The following CDH13 variants were observed in gnomAD, a reference collection of about 807,000 sequenced individuals.
CDH13 encodes cadherin-13.
CDH13 carries 24 observed loss-of-function variants against 63.8 expected under a neutral mutation model. The ratio of observed to expected loss-of-function variants is 0.38; its 90% CI spans 0.27 to 0.53. CDH13 has a LOEUF of 0.53. CDH13 is among the 20% of genes least tolerant of loss of function. CDH13 has a pLI of 0.85. For synonymous variants in CDH13, 503 were observed against 355.3 expected, an observed-to-expected ratio of 1.42 and a Z score of -4.67; for missense variants, 1,049 against 903.1, an observed-to-expected ratio of 1.16 and a Z score of -2.07.
chr16:83,571,903 C>A lies in CDH13; in HGVS notation c.961-30551C>A, dbSNP rs554462427. 3.3e-4 allele frequency among the ~76,000 whole-genome samples: 50 copies of A among 152,200 alleles called. No individual in the cohort carries two copies. The South Asian group carries it at 6.4e-3, about 20-fold the overall frequency. On this transcript the variant is annotated intron_variant, in intron 7 of 13. Coordinates refer to ENST00000567109, the MANE Select transcript of CDH13 (RefSeq NM_001257.5). ...CACTCCGGCCACAGAACTTAGCAGT[C>A]GCTCTGCATGGGGACAGATCCTGGC...
At chr16:83,229,340 T>G (rs1330798051) in intron 5 of CDH13, among the ~76,000 whole-genome samples, 3 of 152,194 alleles carry the variant, frequency 2.0e-5, no homozygotes, top group East Asian at 1.9e-4. Flanking sequence ...CCTTCAAGTT[T>G]CCCTCTACAC....
chr16:82,653,013 G>A (rs1910906874), intron 1 of CDH13, among the ~76,000 whole-genome samples: 2 of 152,226 alleles, frequency 1.3e-5, no homozygotes, highest in South Asian at 4.1e-4. Flanking sequence ...CCAAAAGGTA[G>A]TCCGTGACCC....
At chr16:82,909,623 C>G (rs2041764717) in intron 2 of CDH13, among the ~76,000 whole-genome samples, 2 of 152,058 alleles carry the variant, frequency 1.3e-5, no homozygotes, top group African/African-American at 2.4e-5. Context: ...TGGTGGCAGG[C>G]AAGAGAGCTC....
At chr16:83,299,309 A>C (rs904310684) in intron 5 of CDH13, among the ~76,000 whole-genome samples, 34 of 147,822 alleles carry the variant, frequency 2.3e-4, no homozygotes, top group Middle Eastern at 3.4e-3. Context: ...AAAAAAAAAG[A>C]TGAATTCCCC....
chr16:82,697,770 TG>T (rs2030512779), intron 1 of CDH13, among the ~76,000 whole-genome samples: 3 of 88,726 alleles, frequency 3.4e-5, no homozygotes, highest in African/African-American at 3.9e-5. Flanking sequence ...TGTGTGTGTG[TG>T]TGTGTGTGTG....
chr16:83,080,728 G>A (rs2033168669), intron 3 of CDH13, among the ~76,000 whole-genome samples: 1 of 151,978 alleles, frequency 6.6e-6, no homozygotes, highest in Non-Finnish European at 1.5e-5. Flanking sequence ...CATAGAGGCG[G>A]CAATGGGGGG....
chr16:82,811,557 C>T (rs796993654), intron 1 of CDH13, among the ~76,000 whole-genome samples: 6 of 152,016 alleles, frequency 3.9e-5, no homozygotes, highest in African/African-American at 7.2e-5. Context: ...GCTTAATTTT[C>T]GTTAGAGGGT....
intron 2 of CDH13, among the ~76,000 whole-genome samples, chr16:83,005,671 G>T (rs1455665698): frequency 6.6e-6 from 1 of 152,190 alleles, no homozygotes; most frequent in Non-Finnish European, 1.5e-5. Context: ...TCTCATCACA[G>T]CTCATGCATG....
intron 2 of CDH13, among the ~76,000 whole-genome samples, chr16:82,889,304 C>CTG (rs1263274714): frequency 6.6e-6 from 1 of 151,022 alleles, no homozygotes; most frequent in Non-Finnish European, 1.5e-5. Context: ...TCTATTATCT[C>CTG]TCTCTCTCTC....
At chr16:83,249,415 C>A (rs995494474) in intron 5 of CDH13, among the ~76,000 whole-genome samples, 1 of 152,226 alleles carries the variant, frequency 6.6e-6, no homozygotes, top group Non-Finnish European at 1.5e-5. Flanking sequence ...GGTTAAGTTA[C>A]AGCAGATAAC....
At position 82,886,296 on chromosome 16, in the gene CDH13, G is replaced by A. The variant is rs145994822; in HGVS notation, c.157+27823G>A. On this transcript the variant is annotated intron_variant, in intron 2 of 13. Transcript: ENST00000567109. The stretch of plus-strand genomic sequence containing the variant: ...GAAGTGAAATTGGTGGTTACAGAGT[G>A]TACACATTGCAAAGCTGAATCATAT... Among the ~76,000 whole-genome samples, 478 of 152,282 alleles carry A rather than the reference G, an allele frequency of 3.1e-3. 3 individuals are homozygous for A. The highest frequency in any genetic ancestry group is 0.01 in the African/African-American group (428 of 41,556).
At chr16:83,204,889 C>A (rs115061811) in intron 4 of CDH13, among the ~76,000 whole-genome samples, 2 of 152,178 alleles carry the variant, frequency 1.3e-5, no homozygotes, top group Non-Finnish European at 2.9e-5. Flanking sequence ...TGTATCTAGG[C>A]ACACTAGAGT....
chr16:83,220,103 C>A (rs2039651881), intron 5 of CDH13, among the ~76,000 whole-genome samples: 1 of 152,202 alleles, frequency 6.6e-6, no homozygotes, highest in Non-Finnish European at 1.5e-5. Context: ...TCAATGGGCT[C>A]ATGAGGGCCT....
chr16:83,231,420 G>T (rs1262492542), intron 5 of CDH13, among the ~76,000 whole-genome samples: 5 of 152,210 alleles, frequency 3.3e-5, no homozygotes, highest in Non-Finnish European at 4.4e-5. Context: ...CAGGATTGGG[G>T]TGAGGAGAAT....
At chr16:82,646,676 G>A (rs1275596050) in intron 1 of CDH13, among the ~76,000 whole-genome samples, 1 of 152,180 alleles carries the variant, frequency 6.6e-6, no homozygotes, top group Non-Finnish European at 1.5e-5. Context: ...CCTATGAGGT[G>A]CATCTTGTCA....
At chr16:82,700,188 G>A (rs1006305176) in intron 1 of CDH13, among the ~76,000 whole-genome samples, 2 of 152,156 alleles carry the variant, frequency 1.3e-5, no homozygotes, top group African/African-American at 2.4e-5. Flanking sequence ...TTTTTCCTGC[G>A]GGACTTCTCA....
chr16:83,029,190 C>G (rs1201964157), intron 2 of CDH13, among the ~76,000 whole-genome samples: 1 of 152,162 alleles, frequency 6.6e-6, no homozygotes, highest in Non-Finnish European at 1.5e-5. Context: ...TATTATCACC[C>G]TAAGTATCAT....
chr16:83,496,351 C>T lies in CDH13; in HGVS notation c.960+9696C>T, dbSNP rs377504713. Among the ~76,000 whole-genome samples, 353 of 148,910 alleles carry T rather than the reference C, an allele frequency of 2.4e-3. 2 individuals carry two copies. The highest frequency in any genetic ancestry group is 6.8e-3 in the Middle Eastern group (2 of 292). On this transcript the variant is annotated intron_variant, in intron 7 of 13. Coordinates refer to ENST00000567109, the MANE Select transcript of CDH13 (RefSeq NM_001257.5). The stretch of plus-strand genomic sequence containing the variant: ...AACAGAACAGAGCCCTCAGAAATAA[C>T]GCCGCATATCTACAACTATCTGATC...
At chr16:83,201,571 A>G (rs1054876699) in intron 4 of CDH13, among the ~76,000 whole-genome samples, 1 of 152,058 alleles carries the variant, frequency 6.6e-6, no homozygotes, top group Non-Finnish European at 1.5e-5. Context: ...TCAGTGTCAG[A>G]GCATAATTTG....
Sources: allele counts gnomAD v4.1 joint callset (sites outside exome capture counted in the v4.1 genomes callset), GRCh38; gene constraint gnomAD v4.1.1; transcripts MANE v1.5; gene names NCBI Gene and HGNC (gene_info 2026-07-23, HGNC 2026-07-21).